Variants in LARGE1 observed in about 807,000 individuals in gnomAD.
The protein encoded by LARGE1 is LARGE xylosyl- and glucuronyltransferase 1.
LARGE1 carries 43 observed loss-of-function variants against 87.6 expected under a neutral mutation model. The observed-to-expected ratio is 0.49, with a 90% confidence interval of 0.38 to 0.63. The LOEUF (loss-of-function observed/expected upper bound fraction) is 0.63, where lower values mean the gene tolerates loss of function less well. Ranked by LOEUF, LARGE1 falls within the 30% of genes least tolerant of loss-of-function variation. The pLI is 0.00. For missense variants in LARGE1, 802 were observed against 1,000.2 expected (o/e 0.80, Z 2.67); for synonymous variants, 434 against 394.6 (o/e 1.10, Z -1.18).
chr22:33,466,727 C>CACACACA, intron 6 of LARGE1, among the ~76,000 whole-genome samples: 1 of 113,552 alleles, frequency 8.8e-6, no homozygotes, highest in South Asian at 3.0e-4. Context: ...CACACACACA[C>CACACACA]TACACACACA....
At chr22:33,857,752 G>T (rs2063796291) in intron 1 of LARGE1, among the ~76,000 whole-genome samples, 1 of 152,224 alleles carries the variant, frequency 6.6e-6, no homozygotes, top group Non-Finnish European at 1.5e-5. Context: ...ACAGATGCTG[G>T]AGAGGAAGTG....
At chr22:33,838,089 G>A (rs949900611) in intron 1 of LARGE1, among the ~76,000 whole-genome samples, 1 of 152,174 alleles carries the variant, frequency 6.6e-6, no homozygotes, top group Admixed American at 6.5e-5. Flanking sequence ...TAATTTTCAC[G>A]TGCTACAGAA....
At chr22:33,112,909 AATC>A in the LARGE1 span, among the ~76,000 whole-genome samples, 3 of 152,202 alleles carry the variant, frequency 2.0e-5, no homozygotes, top group Non-Finnish European at 4.4e-5. Context: ...CAGGAAAATC[AATC>A]ATCATGTCAG....
the LARGE1 span, among the ~76,000 whole-genome samples, chr22:33,089,299 TTCCTCTTC>T: frequency 1.4e-5 from 2 of 147,496 alleles, no homozygotes; most frequent in African/African-American, 5.2e-5. Context: ...CTTCTTCTTC[TTCCTCTTC>T]TTCTTCTTTC....
chr22:33,585,607 A>G (rs2078649031), intron 5 of LARGE1, among the ~76,000 whole-genome samples: 1 of 152,198 alleles, frequency 6.6e-6, no homozygotes, highest in African/African-American at 2.4e-5. Context: ...CACCATGAGG[A>G]GCCCACGAAA....
At chr22:33,787,963 T>C (rs1361342978) in intron 1 of LARGE1, among the ~76,000 whole-genome samples, 1 of 152,178 alleles carries the variant, frequency 6.6e-6, no homozygotes, top group Non-Finnish European at 1.5e-5. Context: ...GGCCAAACAC[T>C]ATAAAGGGAT....
chr22:33,230,930 C>T lies in LARGE1; in HGVS notation c.1731-64098G>A, dbSNP rs565648314. Among the ~76,000 whole-genome samples, 602 of 152,316 alleles carry T rather than the reference C, an allele frequency of 4.0e-3. 3 individuals are homozygous for T. The highest frequency in any genetic ancestry group is 0.034 in the Middle Eastern group (10 of 294). ...ACTTAGATTGACATTCTAGGCCTTT[C>T]GCCATCGTGTCCTATTGTAACTTTT... On this transcript the variant is annotated intron_variant, in intron 11 of 11. Transcript: ENST00000608642.
chr22:33,539,858 G>A (rs533941339), intron 6 of LARGE1, among the ~76,000 whole-genome samples: 1 of 152,192 alleles, frequency 6.6e-6, no homozygotes, highest in South Asian at 2.1e-4. Context: ...GGGATTACAG[G>A]TGTGAGCCAC....
At chr22:33,106,493 C>CT in the LARGE1 span, among the ~76,000 whole-genome samples, 519 of 146,938 alleles carry the variant, frequency 3.5e-3, 1 homozygote, top group Admixed American at 6.7e-3. Flanking sequence ...TTCGCCATTC[C>CT]TTTTTTTTTT....
the LARGE1 span, among the ~76,000 whole-genome samples, chr22:33,076,477 A>T: frequency 6.6e-6 from 1 of 152,304 alleles, no homozygotes; most frequent in Non-Finnish European, 1.5e-5. Flanking sequence ...GATATTTTTG[A>T]GTACCTAATT....
At chr22:33,536,666 C>T (rs991469897) in intron 6 of LARGE1, among the ~76,000 whole-genome samples, 11 of 152,256 alleles carry the variant, frequency 7.2e-5, no homozygotes, top group Non-Finnish European at 1.2e-4. Flanking sequence ...TTTCAGGACA[C>T]GTACACCGTC....
intron 1 of LARGE1, among the ~76,000 whole-genome samples, chr22:33,864,679 G>A (rs1408416926): frequency 3.3e-5 from 5 of 152,192 alleles, no homozygotes; most frequent in Admixed American, 6.5e-5. Flanking sequence ...CAGAAGGATA[G>A]TCAGGGCTGC....
chr22:33,755,152 C>T (rs2084463536), intron 2 of LARGE1, among the ~76,000 whole-genome samples: 1 of 152,192 alleles, frequency 6.6e-6, no homozygotes, highest in Non-Finnish European at 1.5e-5. Flanking sequence ...TGTGACAACA[C>T]TCAAAAACAT....
chr22:33,441,071 C>CTTTTTTTTTTTTTTTTTTTTTTTTT lies in LARGE1; in HGVS notation c.788-8807_788-8806insAAAAAAAAAAAAAAAAAAAAAAAAA, dbSNP rs35976426. Reference sequence around the variant, plus strand: ...CTCAGCTGCTGCTATTTTGTTTGAACTTTTTTTTTTTTTTTTTTTTGAGAG... The same window carrying CTTTTTTTTTTTTTTTTTTTTTTTTT: ...CTCAGCTGCTGCTATTTTGTTTGAACTTTTTTTTTTTTTTTTTTTTTTTTTTTTTTTTTTTTTTTTTTTTTGAGAG... On this transcript the variant is annotated intron_variant, in intron 6 of 14. Transcript: ENST00000397394. 8.1e-5 allele frequency among the ~76,000 whole-genome samples: 8 copies of CTTTTTTTTTTTTTTTTTTTTTTTTT among 98,556 alleles called. 1 individual carries two copies. Among genetic ancestry groups the CTTTTTTTTTTTTTTTTTTTTTTTTT allele is most frequent in the African/African-American group, 3.4e-4 (7 of 20,372 alleles). The allele number at this position is 98,556 out of a possible 152,430, so 64.7% of individuals were successfully genotyped here.
chr22:33,137,191 T>C, the LARGE1 span: 70,455 of 152,036 alleles, frequency 0.46, 16,476 homozygotes, highest in South Asian at 0.69. Flanking sequence ...CCTCTTCCTT[T>C]CAAGCCCATC....
At chr22:33,426,295 C>T (rs1053756558) in intron 7 of LARGE1, among the ~76,000 whole-genome samples, 20 of 152,124 alleles carry the variant, frequency 1.3e-4, no homozygotes, top group African/African-American at 4.3e-4. Context: ...AGTTTTCTAC[C>T]CTACCCTTGC....
chr22:33,707,651 G>T (rs1348451424), intron 2 of LARGE1, among the ~76,000 whole-genome samples: 1 of 152,186 alleles, frequency 6.6e-6, no homozygotes, highest in Admixed American at 6.5e-5. Context: ...GTGTCAATTT[G>T]TAAATTCTCC....
At chr22:33,698,522 C>A (rs1243175925) in intron 2 of LARGE1, among the ~76,000 whole-genome samples, 6 of 152,176 alleles carry the variant, frequency 3.9e-5, no homozygotes, top group African/African-American at 1.4e-4. Context: ...GTTGGCCAGG[C>A]TAGTCTTGAG....
intron 2 of LARGE1, among the ~76,000 whole-genome samples, chr22:33,655,729 C>T (rs1271817738): frequency 6.6e-6 from 1 of 152,106 alleles, no homozygotes; most frequent in Non-Finnish European, 1.5e-5. Flanking sequence ...GCTCCCTATA[C>T]TTAGCAAGCA....
Sources: gnomAD v4.1 joint callset for allele counts (sites outside exome capture counted in the v4.1 genomes callset) on GRCh38, gnomAD v4.1.1 for gene constraint, MANE v1.5 for transcripts, NCBI Gene and HGNC (gene_info 2026-07-23, HGNC 2026-07-21) for gene names.